The following UST variants were observed in gnomAD, a reference collection of about 807,000 sequenced individuals.
The protein encoded by UST is chondroitin sulfate 2-O-sulfotransferase.
In UST, 21 loss-of-function variants were observed where a neutral mutation model predicts 45.6. That is an observed-to-expected ratio of 0.46 (90% CI 0.33 to 0.66). The LOEUF (loss-of-function observed/expected upper bound fraction) is 0.66. Ranked by LOEUF, UST falls within the 30% of genes least tolerant of loss-of-function variation. The pLI, the probability that UST is intolerant of heterozygous loss-of-function variation, is 0.02. For synonymous variants in UST, 215 were observed against 200.6 expected, an observed-to-expected ratio of 1.07 and a Z score of -0.61; for missense variants, 463 against 512.4, an observed-to-expected ratio of 0.90 and a Z score of 0.93.
chr6:149,046,762 G>C (rs180724754), intron 7 of UST, among the ~76,000 whole-genome samples: 5 of 152,302 alleles, frequency 3.3e-5, no homozygotes, highest in African/African-American at 1.2e-4. Context: ...AATAGGGCAG[G>C]GTTTTCAAGT....
chr6:149,029,324 A>G lies in UST; in HGVS notation c.937+7843A>G, dbSNP rs551576255. On this transcript the variant is annotated intron_variant, in intron 7 of 7. Coordinates refer to ENST00000367463, the MANE Select transcript of UST (RefSeq NM_005715.3). ...TATATATAAAGTATATGTAATATAT[A>G]ATGTATATATTGTACGTTATATATT... 2.5e-4 allele frequency among the ~76,000 whole-genome samples: 37 copies of G among 147,972 alleles called. No individual in the cohort carries two copies. In the South Asian group the frequency reaches 7.7e-3, roughly 31 times the overall value.
At chr6:148,966,459 C>G (rs1780800257) in intron 5 of UST, among the ~76,000 whole-genome samples, 1 of 152,056 alleles carries the variant, frequency 6.6e-6, no homozygotes, top group South Asian at 2.1e-4. Context: ...CTGATTCAAT[C>G]CTCATGCTAA....
intron 2 of UST, among the ~76,000 whole-genome samples, chr6:148,912,051 G>C (rs1207186732): frequency 6.6e-6 from 1 of 152,164 alleles, no homozygotes; most frequent in Non-Finnish European, 1.5e-5. Flanking sequence ...ATAAAAATTA[G>C]CTGGGCATGG....
intron 1 of UST, among the ~76,000 whole-genome samples, chr6:148,754,083 C>G (rs1408607594): frequency 1.3e-5 from 2 of 151,752 alleles, no homozygotes; most frequent in African/African-American, 4.8e-5. Context: ...CAAGCTCTGC[C>G]TCCCAGGTAC....
chr6:148,964,325 C>G, intron 4 of UST, 85 bp from the exon 5 acceptor site: 1 of 1,527,704 alleles, frequency 6.5e-7, no homozygotes, highest in South Asian at 1.2e-5. Flanking sequence ...ATAAGTTAAC[C>G]TAGAGGGAAG....
intron 1 of UST, among the ~76,000 whole-genome samples, chr6:148,875,164 G>A (rs1317894110): frequency 6.6e-6 from 1 of 152,204 alleles, no homozygotes; most frequent in Non-Finnish European, 1.5e-5. Context: ...CTTTGACATT[G>A]ACAGTAATGC....
chr6:149,012,322 TG>T (rs1775827060), intron 5 of UST, among the ~76,000 whole-genome samples: 1 of 152,192 alleles, frequency 6.6e-6, no homozygotes, highest in African/African-American at 2.4e-5. Context: ...TTTACAAGGT[TG>T]GAAAAAAGCC....
At chr6:149,041,259 G>A (rs1242732502) in intron 7 of UST, among the ~76,000 whole-genome samples, 3 of 152,310 alleles carry the variant, frequency 2.0e-5, no homozygotes, top group East Asian at 3.9e-4. Flanking sequence ...CTGGCTGCCT[G>A]TGATCCACTC....
chr6:148,892,320 A>G (rs1162596942), intron 2 of UST, among the ~76,000 whole-genome samples: 6 of 152,090 alleles, frequency 3.9e-5, no homozygotes, highest in Non-Finnish European at 8.8e-5. Context: ...TCTTTTTGTC[A>G]TTATAGGCAA....
chr6:148,882,783 G>C (rs1157912436), intron 1 of UST, among the ~76,000 whole-genome samples: 3 of 152,196 alleles, frequency 2.0e-5, no homozygotes, highest in African/African-American at 7.2e-5. Context: ...GTGAGGATTA[G>C]ATAAAATGAT....
intron 3 of UST, among the ~76,000 whole-genome samples, chr6:148,949,668 C>G (rs1780326100): frequency 1.3e-5 from 2 of 152,086 alleles, no homozygotes; most frequent in Non-Finnish European, 2.9e-5. Context: ...CTATACATTT[C>G]TTGACTCCAA....
chr6:148,893,903 A>G (rs1204519013), intron 2 of UST, among the ~76,000 whole-genome samples: 1 of 152,146 alleles, frequency 6.6e-6, no homozygotes, highest in African/African-American at 2.4e-5. Context: ...CTCTAATCCG[A>G]GCACTTTTGG....
chr6:148,809,447 A>C (rs1448570186), intron 1 of UST, among the ~76,000 whole-genome samples: 1 of 151,486 alleles, frequency 6.6e-6, no homozygotes, highest in African/African-American at 2.4e-5. Context: ...AAGTCAGTTC[A>C]GTTGGTTGCC....
At chr6:148,974,741 C>G (rs1454376080) in intron 5 of UST, among the ~76,000 whole-genome samples, 1 of 152,218 alleles carries the variant, frequency 6.6e-6, no homozygotes, top group African/African-American at 2.4e-5. Flanking sequence ...GAAGCCCCAG[C>G]CGCCTAATGG....
chr6:148,766,372 C>G (rs541575564), intron 1 of UST, among the ~76,000 whole-genome samples: 3 of 152,182 alleles, frequency 2.0e-5, no homozygotes, highest in African/African-American at 7.2e-5. Context: ...ACCCACTCAC[C>G]CACTTGCTCT....
chr6:148,814,515 A>T (rs1777320650), intron 1 of UST, among the ~76,000 whole-genome samples: 1 of 152,126 alleles, frequency 6.6e-6, no homozygotes, highest in Admixed American at 6.5e-5. Context: ...GCCTTTGAGC[A>T]AGAAATTCTT....
intron 7 of UST, among the ~76,000 whole-genome samples, chr6:149,025,471 C>T (rs890887356): frequency 1.1e-4 from 16 of 152,032 alleles, no homozygotes; most frequent in Admixed American, 9.2e-4. Context: ...TTCTTCCAGC[C>T]GGTGCGCAGC....
chr6:149,007,463 ATTT>A (rs11312436), intron 5 of UST, among the ~76,000 whole-genome samples: 36 of 130,718 alleles, frequency 2.8e-4, no homozygotes, highest in African/African-American at 7.1e-4. Flanking sequence ...AATTTTTTGT[ATTT>A]TTTTTTTTTT....
At chr6:148,853,045 A>C (rs1253185205) in intron 1 of UST, among the ~76,000 whole-genome samples, 1 of 152,114 alleles carries the variant, frequency 6.6e-6, no homozygotes, top group African/African-American at 2.4e-5. Flanking sequence ...GGTTTGCTGC[A>C]CCTATCAACC....
Sources: gnomAD v4.1 joint callset for allele counts (sites outside exome capture counted in the v4.1 genomes callset) on GRCh38, gnomAD v4.1.1 for gene constraint, MANE v1.5 for transcripts, NCBI Gene and HGNC (gene_info 2026-07-23, HGNC 2026-07-21) for gene names.